Variants in DZIP1 observed in about 807,000 individuals in gnomAD.
DZIP1 encodes DAZ interacting zinc finger protein 1, also known as cilium assembly protein DZIP1.
In DZIP1, 97 loss-of-function variants were observed where a neutral mutation model predicts 107.6. The observed-to-expected ratio is 0.90, with a 90% confidence interval of 0.77 to 1.07. The LOEUF (loss-of-function observed/expected upper bound fraction) is 1.07. DZIP1 is among the 50% of genes least tolerant of loss of function. The probability of loss-of-function intolerance (pLI) is 0.00; values close to 1 mark genes in which losing one functional copy is unlikely to be tolerated. For synonymous variants in DZIP1, 390 were observed against 386.4 expected (o/e 1.01, Z -0.11); for missense variants, 1,035 against 1,063.6 (o/e 0.97, Z 0.37).
intron 16 of DZIP1, 107 bp downstream of exon 16, chr13:95,593,837 C>T (rs1265364840): frequency 1.5e-6 from 2 of 1,377,424 alleles, no homozygotes; most frequent in African/African-American, 1.5e-5. Flanking sequence ...CTCTGTTCTC[C>T]AAACATGGAC....
chr13:95,644,268 G>A (rs1878862353), intron 1 of DZIP1, 109 bp downstream of exon 1: 1 of 152,366 alleles, frequency 6.6e-6, no homozygotes, highest in Non-Finnish European at 1.5e-5. Context: ...TGGATCTGCA[G>A]AGGCTCGGCT....
chr13:95,642,029 TAGG>T lies in DZIP1; in HGVS notation c.-3_-1del, dbSNP rs1878598052. The stretch of plus-strand genomic sequence containing the variant: ...AACCAATCCGCTGCCTCAGCTTGCA[TAGG>T]AGGAGCCGGGCGGTCTTTACCCAGC... On this transcript the variant is annotated 5_prime_UTR_variant, in exon 4 of 23. Coordinates refer to ENST00000376829, the MANE Select transcript of DZIP1 (RefSeq NM_198968.4). 6.4e-7 allele frequency: 1 copy of T among 1,572,646 alleles called. No individual in the cohort carries two copies. Among genetic ancestry groups the T allele is most frequent in the Non-Finnish European group, 8.6e-7 (1 of 1,164,976 alleles).
chr13:95,611,345 A>G lies in DZIP1; in HGVS notation c.1363+100T>C, dbSNP rs1307671261. The G allele has an allele frequency of 3.5e-6, 3 of 861,016 alleles. No homozygotes were observed. In the East Asian group the frequency reaches 7.4e-5, roughly 21 times the overall value. The allele number at this position is 861,016 out of a possible 1,614,324, so 53.3% of individuals were successfully genotyped here. On this transcript the variant is annotated intron_variant, in intron 12 of 22. Coordinates refer to ENST00000376829, the MANE Select transcript of DZIP1 (RefSeq NM_198968.4). ...AAATCAATACAACAAGAAGAATGCC[A>G]TCTTAGCACACATAAACAAGTGGGG...
intron 5 of DZIP1, among the ~76,000 whole-genome samples, chr13:95,636,662 G>A (rs926655091): frequency 3.2e-4 from 49 of 151,958 alleles, no homozygotes; most frequent in African/African-American, 1.0e-3. Flanking sequence ...AGTGAATGTA[G>A]ATTAGAAGGA....
intron 12 of DZIP1, 101 bp downstream of exon 12, chr13:95,611,344 C>A: frequency 1.2e-6 from 1 of 821,536 alleles, no homozygotes; most frequent in Non-Finnish European, 2.0e-6. Flanking sequence ...AGAAGAATGC[C>A]ATCTTAGCAC....
At chr13:95,597,643 G>A (rs1374427643) in intron 15 of DZIP1, among the ~76,000 whole-genome samples, 2 of 152,184 alleles carry the variant, frequency 1.3e-5, no homozygotes, top group East Asian at 3.9e-4. Context: ...ATGGCAAACC[G>A]GAGGTTGCTT....
At position 95,582,081 on chromosome 13, in the gene DZIP1, G is replaced by A; in HGVS notation, c.*153C>T. The A allele has an allele frequency of 1.5e-6, 1 of 662,158 alleles. No individual in the cohort carries two copies. The highest frequency in any genetic ancestry group is 2.7e-6 in the Non-Finnish European group (1 of 374,028). 41.0% of individuals were successfully genotyped at this position (662,158 alleles called of 1,614,324 possible). ...TCTGATTTTCAATACTGTATTGGGT[G>A]CCATTAAAGAGACCATTGTTCTTTG... On this transcript the variant is annotated 3_prime_UTR_variant, in exon 23 of 23. Transcript: ENST00000376829.
At chr13:95,607,800 T>G (rs1164203063) in intron 13 of DZIP1, among the ~76,000 whole-genome samples, 1 of 152,248 alleles carries the variant, frequency 6.6e-6, no homozygotes, top group Non-Finnish European at 1.5e-5. Context: ...ACAGAATTCA[T>G]TCCCTTATTA....
chr13:95,596,722 T>A (rs1271055432), intron 15 of DZIP1, among the ~76,000 whole-genome samples: 1 of 152,202 alleles, frequency 6.6e-6, no homozygotes, highest in Non-Finnish European at 1.5e-5. Context: ...CTAGCATCTA[T>A]AAAACTGCAA....
intron 5 of DZIP1, among the ~76,000 whole-genome samples, chr13:95,638,636 A>AACACACACACACACACAC (rs3051404): frequency 3.3e-5 from 5 of 149,876 alleles, no homozygotes; most frequent in African/African-American, 1.2e-4. Flanking sequence ...CCTTATACAC[A>AACACACACACACACACAC]ACACACACAC....
intron 22 of DZIP1, among the ~76,000 whole-genome samples, chr13:95,582,917 GA>G (rs1321394061): frequency 6.6e-6 from 1 of 152,180 alleles, no homozygotes; most frequent in Non-Finnish European, 1.5e-5. Flanking sequence ...GCCCTGTAAA[GA>G]GTCACTCTAA....
chr13:95,588,773 A>G (rs1394617624), intron 19 of DZIP1, among the ~76,000 whole-genome samples: 1 of 152,238 alleles, frequency 6.6e-6, no homozygotes, highest in Non-Finnish European at 1.5e-5. Flanking sequence ...AACTTCCACA[A>G]AAAACTGGAA....
intron 15 of DZIP1, among the ~76,000 whole-genome samples, chr13:95,599,130 T>A (rs186812576): frequency 1.6e-3 from 251 of 152,222 alleles, no homozygotes; most frequent in African/African-American, 5.6e-3. Context: ...ACACAAAAAA[T>A]TTCTTATTTT....
intron 15 of DZIP1, among the ~76,000 whole-genome samples, chr13:95,597,886 G>A (rs1380937662): frequency 6.6e-6 from 1 of 152,182 alleles, no homozygotes; most frequent in South Asian, 2.1e-4. Context: ...TAATAGTGCA[G>A]CTTGAACAAG....
In DZIP1 at chr13:95,641,372, T is replaced by G. The variant is rs1449709167; in HGVS notation, c.520A>C (p.Lys174Gln). ...TTCTTCCGGCGTTTGCACTCTTCCTTGAGCGTCTTGATCTCCCCCGCCTGC... is the reference window on the plus strand; with the variant it reads ...TTCTTCCGGCGTTTGCACTCTTCCTGGAGCGTCTTGATCTCCCCCGCCTGC... The part of the protein sequence containing the change: ...TKQAGEIKTL[K>Q]EECKRRKKMI... The change falls in exon 5 of 23, where the codon AAG (lysine) becomes CAG (glutamine). Residue 174 changes from lysine (K) to glutamine (Q), a missense_variant. Coordinates refer to ENST00000376829, the MANE Select transcript of DZIP1 (RefSeq NM_198968.4). This position sits in a 1 kb window ranked among gnomAD's most constrained non-coding sequence, Gnocchi z 4.3. The G allele has an allele frequency of 6.2e-7, 1 of 1,614,148 alleles. No homozygotes were observed. The highest frequency in any genetic ancestry group is 8.5e-7 in the Non-Finnish European group (1 of 1,179,994).
At chr13:95,622,122 CAA>C (rs1875942426) in intron 9 of DZIP1, among the ~76,000 whole-genome samples, 2 of 152,252 alleles carry the variant, frequency 1.3e-5, no homozygotes, top group South Asian at 4.1e-4. Context: ...AGAGAAGAAA[CAA>C]AACAGTTCTG....
At chr13:95,588,957 A>G (rs1261056319) in intron 19 of DZIP1, among the ~76,000 whole-genome samples, 197 bp downstream of exon 19, 1 of 152,210 alleles carries the variant, frequency 6.6e-6, no homozygotes, top group African/African-American at 2.4e-5. Flanking sequence ...ACATGTGGTT[A>G]AGGGCTATTG....
In DZIP1 at chr13:95,581,189, A is replaced by G. The variant is rs1318727717; in HGVS notation, c.*1045T>C. 3 of 152,662 alleles carry G rather than the reference A, an allele frequency of 2.0e-5. No homozygotes were observed. Among genetic ancestry groups the G allele is most frequent in the Non-Finnish European group, 4.4e-5 (3 of 68,032 alleles). 9.5% of individuals were successfully genotyped at this position (152,662 alleles called of 1,614,324 possible). On this transcript the variant is annotated 3_prime_UTR_variant, in exon 23 of 23. Transcript: ENST00000376829. Reference sequence around the variant, plus strand: ...CTAAAACCCAACAAATCTTTTAGTTAAAAGGTTACTTGGAAACAGAATATA... The same window carrying G: ...CTAAAACCCAACAAATCTTTTAGTTGAAAGGTTACTTGGAAACAGAATATA...
In DZIP1 at chr13:95,581,655, CAA is replaced by C. The variant is rs1232406976; in HGVS notation, c.*577_*578del. On this transcript the variant is annotated 3_prime_UTR_variant, in exon 23 of 23. Transcript: ENST00000376829. ...CACGCTGGTCTTGAACTCCTGTGCT[CAA>C]GTTATCCTCCCACCTCAGCCTCCCA... 6.6e-6 allele frequency: 1 copy of C among 152,210 alleles called. No homozygotes were observed. The highest frequency in any genetic ancestry group is 2.4e-5 in the African/African-American group (1 of 41,402). The allele number at this position is 152,210 out of a possible 1,614,324, so 9.4% of individuals were successfully genotyped here. A position where few individuals can be genotyped will look rare whatever the true frequency, so the allele number is the denominator to read the frequency against.
Sources: gnomAD v4.1 joint callset for allele counts (sites outside exome capture counted in the v4.1 genomes callset) on GRCh38, gnomAD v4.1.1 for gene constraint, Gnocchi (gnomAD v3.1) non-coding constraint, MANE v1.5 for transcripts, NCBI Gene and HGNC (gene_info 2026-07-23, HGNC 2026-07-21) for gene names.